The following AKAP6 variants were observed in gnomAD, a reference collection of about 807,000 sequenced individuals.
AKAP6 encodes the protein A-kinase anchoring protein 6, also known as A-kinase anchor protein 6.
AKAP6 carries 58 observed loss-of-function variants against 188.5 expected under a neutral mutation model. The ratio of observed to expected loss-of-function variants is 0.31; its 90% CI spans 0.25 to 0.38. AKAP6 has a LOEUF of 0.38. Ranked by LOEUF, AKAP6 falls within the 10% of genes least tolerant of loss-of-function variation. The pLI is 1.00. For missense variants in AKAP6, 2,710 were observed against 2,740.0 expected, an observed-to-expected ratio of 0.99 and a Z score of 0.24; for synonymous variants, 989 against 998.6, an observed-to-expected ratio of 0.99 and a Z score of 0.18.
At chr14:32,699,546 C>G (rs1890542762) in intron 9 of AKAP6, among the ~76,000 whole-genome samples, 1 of 152,110 alleles carries the variant, frequency 6.6e-6, no homozygotes, top group Non-Finnish European at 1.5e-5. Flanking sequence ...TCAAGAGCAA[C>G]CTAATTCCTA....
intron 11 of AKAP6, among the ~76,000 whole-genome samples, chr14:32,769,036 G>GTTTTTTTTTTTT (rs1566698267): frequency 1.0e-3 from 19 of 18,494 alleles, no homozygotes; most frequent in Non-Finnish European, 1.3e-3. Context: ...CTGCTCTTTT[G>GTTTTTTTTTTTT]ATTTTTTTTT....
intron 1 of AKAP6, among the ~76,000 whole-genome samples, chr14:32,386,891 G>T (rs551982577): frequency 6.6e-6 from 1 of 152,110 alleles, no homozygotes; most frequent in African/African-American, 2.4e-5. Context: ...GTTTTTGTTT[G>T]ATTTGTGGAA....
chr14:32,354,771 C>G (rs1887422345), intron 1 of AKAP6, among the ~76,000 whole-genome samples: 1 of 152,234 alleles, frequency 6.6e-6, no homozygotes, highest in Admixed American at 6.5e-5. Flanking sequence ...TTCATGCCCC[C>G]TTACACTGAA....
chr14:32,748,511 C>A (rs571683061), intron 11 of AKAP6, among the ~76,000 whole-genome samples: 3 of 152,266 alleles, frequency 2.0e-5, no homozygotes, highest in Admixed American at 2.0e-4. Context: ...AAAGCATTAA[C>A]ATTTAATAAA....
At chr14:32,646,575 C>T (rs1484848989) in intron 7 of AKAP6, among the ~76,000 whole-genome samples, 1 of 152,116 alleles carries the variant, frequency 6.6e-6, no homozygotes, top group Non-Finnish European at 1.5e-5. Flanking sequence ...TAAAGATGTC[C>T]AGATTTCAAT....
chr14:32,467,118 C>T (rs551585213), intron 2 of AKAP6, among the ~76,000 whole-genome samples: 6 of 149,410 alleles, frequency 4.0e-5, no homozygotes, highest in South Asian at 2.1e-4. Context: ...ACCTCGGTGA[C>T]GAGACAATTT....
At chr14:32,664,739 T>C (rs891255992) in intron 7 of AKAP6, among the ~76,000 whole-genome samples, 5 of 152,084 alleles carry the variant, frequency 3.3e-5, no homozygotes, top group Admixed American at 1.3e-4. Flanking sequence ...CTCTGTGATC[T>C]TCTCTGACTG....
intron 1 of AKAP6, among the ~76,000 whole-genome samples, chr14:32,338,742 AT>A (rs1398445199): frequency 6.6e-6 from 1 of 152,086 alleles, no homozygotes; most frequent in Non-Finnish European, 1.5e-5. Flanking sequence ...TTAGAGCCTC[AT>A]TTTTCCCCAT....
intron 2 of AKAP6, among the ~76,000 whole-genome samples, chr14:32,534,322 C>T (rs557468616): frequency 9.9e-5 from 15 of 152,218 alleles, no homozygotes; most frequent in South Asian, 6.2e-4. Flanking sequence ...AAACTAAAAA[C>T]GAGCAACTGA....
chr14:32,728,300 CT>C (rs761377565), intron 9 of AKAP6, among the ~76,000 whole-genome samples: 6 of 122,532 alleles, frequency 4.9e-5, no homozygotes, highest in African/African-American at 1.9e-4. Flanking sequence ...CTAGCATTTG[CT>C]TTCTTACTGA....
chr14:32,377,997 T>G (rs1888214847), intron 1 of AKAP6, among the ~76,000 whole-genome samples: 1 of 152,186 alleles, frequency 6.6e-6, no homozygotes, highest in Non-Finnish European at 1.5e-5. Flanking sequence ...CTGAAAATTC[T>G]AAACTTATTA....
At chr14:32,689,045 T>G (rs757900746) in intron 8 of AKAP6, among the ~76,000 whole-genome samples, 1 of 152,182 alleles carries the variant, frequency 6.6e-6, no homozygotes, top group African/African-American at 2.4e-5. Context: ...AACACACAAA[T>G]GATAACATAG....
intron 5 of AKAP6, among the ~76,000 whole-genome samples, chr14:32,586,338 TAG>T (rs1885246561): frequency 6.6e-6 from 1 of 152,306 alleles, no homozygotes; most frequent in Non-Finnish European, 1.5e-5. Context: ...TTCAGGTATT[TAG>T]AAACAGGCTG....
intron 5 of AKAP6, among the ~76,000 whole-genome samples, chr14:32,584,070 A>G (rs1325138452): frequency 6.6e-6 from 1 of 152,066 alleles, no homozygotes; most frequent in African/African-American, 2.4e-5. Flanking sequence ...CTTCTGCATC[A>G]CTCACGCTGG....
At chr14:32,575,429 ATCT>A (rs1423663984) in intron 4 of AKAP6, among the ~76,000 whole-genome samples, 4 of 152,142 alleles carry the variant, frequency 2.6e-5, no homozygotes, top group Non-Finnish European at 5.9e-5. Flanking sequence ...CTGGAAGAAA[ATCT>A]TCTGAGTGAT....
At chr14:32,542,973 T>C (rs1883028708) in intron 3 of AKAP6, among the ~76,000 whole-genome samples, 1 of 152,228 alleles carries the variant, frequency 6.6e-6, no homozygotes, top group Non-Finnish European at 1.5e-5. Flanking sequence ...TTTTGATACA[T>C]GCACACAATG....
chr14:32,778,895 G>A (rs116666058), intron 12 of AKAP6, among the ~76,000 whole-genome samples: 131 of 142,996 alleles, frequency 9.2e-4, no homozygotes, highest in African/African-American at 3.3e-3. Flanking sequence ...TAGGCCAACA[G>A]AGGAAATGAA....
chr14:32,419,590 C>T (rs1889771963), intron 1 of AKAP6, among the ~76,000 whole-genome samples: 1 of 152,106 alleles, frequency 6.6e-6, no homozygotes, highest in African/African-American at 2.4e-5. Flanking sequence ...ATTCACTCCA[C>T]AATATATCTA....
chr14:32,359,624 T>C (rs1237827601), intron 1 of AKAP6, among the ~76,000 whole-genome samples: 2 of 151,856 alleles, frequency 1.3e-5, no homozygotes, highest in African/African-American at 2.4e-5. Context: ...GGGTCCTACA[T>C]TGCATTTAGT....
Sources: gnomAD v4.1 joint callset for allele counts (sites outside exome capture counted in the v4.1 genomes callset) on GRCh38, gnomAD v4.1.1 for gene constraint, MANE v1.5 for transcripts, NCBI Gene and HGNC (gene_info 2026-07-23, HGNC 2026-07-21) for gene names.